Variants in AUTS2 observed in about 807,000 individuals in gnomAD.
AUTS2 encodes the protein autism susceptibility gene 2 protein.
A neutral mutation model predicts 112.4 loss-of-function variants in AUTS2; 17 were observed. The observed-to-expected ratio is 0.15, with a 90% CI of 0.10 to 0.23. The LOEUF is 0.23. Ranked by LOEUF, AUTS2 falls within the 10% of genes least tolerant of loss-of-function variation. The probability of loss-of-function intolerance (pLI) is 1.00; values close to 1 mark genes in which losing one functional copy is unlikely to be tolerated. For synonymous variants in AUTS2, 751 were observed against 702.7 expected, an observed-to-expected ratio of 1.07 and a Z score of -1.09; for missense variants, 1,510 against 1,701.6, an observed-to-expected ratio of 0.89 and a Z score of 1.98.
chr7:69,917,002 G>T (rs768756816), intron 2 of AUTS2, among the ~76,000 whole-genome samples: 6 of 152,076 alleles, frequency 3.9e-5, no homozygotes, highest in Admixed American at 6.6e-5. Context: ...TGGTATAGAA[G>T]CCCACACATT....
At chr7:70,014,008 G>T (rs188865769) in intron 2 of AUTS2, among the ~76,000 whole-genome samples, 24 of 152,264 alleles carry the variant, frequency 1.6e-4, no homozygotes, top group Non-Finnish European at 3.1e-4. Flanking sequence ...GAGCCACCGC[G>T]CCCGGCCTCA....
intron 5 of AUTS2, among the ~76,000 whole-genome samples, chr7:70,528,989 C>T (rs1799970495): frequency 6.6e-6 from 1 of 152,070 alleles, no homozygotes; most frequent in African/African-American, 2.4e-5. Context: ...TAAACTATGG[C>T]CATGTATAAA....
chr7:70,417,187 C>T (rs1795021470), intron 4 of AUTS2, among the ~76,000 whole-genome samples: 1 of 152,202 alleles, frequency 6.6e-6, no homozygotes, highest in African/African-American at 2.4e-5. Flanking sequence ...CTGAGTGCCT[C>T]CTCCCCAGCT....
intron 5 of AUTS2, among the ~76,000 whole-genome samples, chr7:70,552,392 T>C (rs1801052249): frequency 1.3e-5 from 2 of 152,218 alleles, no homozygotes; most frequent in Admixed American, 1.3e-4. Flanking sequence ...TGTCTCTCCC[T>C]GTAACAAAAT....
chr7:70,051,254 G>A (rs779589158), intron 2 of AUTS2, among the ~76,000 whole-genome samples: 1 of 152,272 alleles, frequency 6.6e-6, no homozygotes, highest in African/African-American at 2.4e-5. Context: ...CTGACCTTAC[G>A]GTGATGAAAT....
intron 2 of AUTS2, among the ~76,000 whole-genome samples, chr7:70,092,973 A>G (rs1341020316): frequency 6.6e-6 from 1 of 152,106 alleles, no homozygotes; most frequent in Non-Finnish European, 1.5e-5. Flanking sequence ...TGTCCTTATG[A>G]TGCCTGCACC....
chr7:70,170,695 C>T (rs951290749), intron 4 of AUTS2, among the ~76,000 whole-genome samples: 3 of 151,650 alleles, frequency 2.0e-5, no homozygotes, highest in African/African-American at 7.3e-5. Flanking sequence ...GCAACCTCCA[C>T]CTCCCGGGTT....
At chr7:70,686,251 G>C (rs908068500) in intron 5 of AUTS2, among the ~76,000 whole-genome samples, 1 of 152,188 alleles carries the variant, frequency 6.6e-6, no homozygotes, top group African/African-American at 2.4e-5. Context: ...AATGATGAAG[G>C]TAAGTTGCTG....
chr7:70,222,920 C>T (rs1811562455), intron 4 of AUTS2, among the ~76,000 whole-genome samples: 1 of 149,172 alleles, frequency 6.7e-6, no homozygotes, highest in Admixed American at 6.7e-5. Flanking sequence ...CAAAGTCTCG[C>T]CCTGTCACCC....
intron 1 of AUTS2, among the ~76,000 whole-genome samples, chr7:69,886,099 C>G (rs1584393147): frequency 6.6e-6 from 1 of 152,162 alleles, no homozygotes; most frequent in East Asian, 1.9e-4. Context: ...ATTAGAGAGG[C>G]TGAAGGAACC....
intron 5 of AUTS2, among the ~76,000 whole-genome samples, chr7:70,459,351 T>A (rs540698223): frequency 6.6e-6 from 1 of 152,266 alleles, no homozygotes; most frequent in African/African-American, 2.4e-5. Context: ...CCAGGAGAAA[T>A]GGAAGGTGTT....
Position 70,777,358 on chromosome 7 carries a change from T to C in AUTS2, c.2004+184T>C, listed in dbSNP as rs978924632. ...CTTATTTTTTCCTAGAGTCAGGGTC[T>C]CACTCTGTTGCCCAGGCTGGAGTAC... On this transcript the variant is annotated intron_variant, in intron 14 of 18. Coordinates refer to ENST00000342771, the MANE Select transcript of AUTS2 (RefSeq NM_015570.4). 15 of 621,078 alleles carry C rather than the reference T, an allele frequency of 2.4e-5. No homozygotes were observed. The African/African-American group carries it at 2.8e-4, about 11-fold the overall frequency. 38.5% of individuals were successfully genotyped at this position (621,078 alleles called of 1,614,324 possible). A position where few individuals can be genotyped will look rare whatever the true frequency, so the allele number is the denominator to read the frequency against.
At chr7:70,704,042 T>C (rs1809605918) in intron 6 of AUTS2, among the ~76,000 whole-genome samples, 2 of 152,242 alleles carry the variant, frequency 1.3e-5, no homozygotes, top group Admixed American at 1.3e-4. Context: ...GAATTTGTTG[T>C]ATAGAATCAT....
At chr7:70,171,797 G>T (rs1167775349) in intron 4 of AUTS2, among the ~76,000 whole-genome samples, 1 of 152,058 alleles carries the variant, frequency 6.6e-6, no homozygotes, top group African/African-American at 2.4e-5. Flanking sequence ...TGTCAGCAGG[G>T]ATGTGATTTT....
intron 2 of AUTS2, among the ~76,000 whole-genome samples, chr7:70,055,282 A>G (rs1268856045): frequency 6.6e-6 from 1 of 152,176 alleles, no homozygotes. Flanking sequence ...TAAAAATACA[A>G]AATTAGCTGG....
intron 2 of AUTS2, among the ~76,000 whole-genome samples, chr7:69,909,118 G>T (rs191219257): frequency 6.6e-6 from 1 of 152,148 alleles, no homozygotes; most frequent in Non-Finnish European, 1.5e-5. Context: ...TCATAAAATT[G>T]TAACAACATA....
intron 15 of AUTS2, 45 bp from the exon 16 acceptor site, chr7:70,784,897 G>A (rs1791342894): frequency 6.3e-7 from 1 of 1,590,892 alleles, no homozygotes; most frequent in Admixed American, 1.7e-5. Context: ...CATCTTCGAA[G>A]TTGGCTTTTT....
chr7:69,625,320 G>A (rs542193123), intron 1 of AUTS2, among the ~76,000 whole-genome samples: 4 of 152,280 alleles, frequency 2.6e-5, no homozygotes, highest in South Asian at 4.1e-4. Context: ...GGTCCCTTGC[G>A]TTTATTTACA....
chr7:70,726,241 G>A lies in AUTS2; in HGVS notation c.742+27621G>A, dbSNP rs563613468. 1.4e-3 allele frequency among the ~76,000 whole-genome samples: 219 copies of A among 151,890 alleles called. 1 individual carries two copies. The highest frequency in any genetic ancestry group is 2.2e-3 in the Non-Finnish European group (151 of 67,974). On this transcript the variant is annotated intron_variant, in intron 6 of 18. Coordinates refer to ENST00000342771, the MANE Select transcript of AUTS2 (RefSeq NM_015570.4). ...TTAGAAGTTTTTATATAGAGACAATGGATGTGTTTATTAGAAATCTTTATT... is the reference window on the plus strand; with the variant it reads ...TTAGAAGTTTTTATATAGAGACAATAGATGTGTTTATTAGAAATCTTTATT...
Sources: allele counts gnomAD v4.1 joint callset (sites outside exome capture counted in the v4.1 genomes callset), GRCh38; gene constraint gnomAD v4.1.1; transcripts MANE v1.5; gene names NCBI Gene and HGNC (gene_info 2026-07-23, HGNC 2026-07-21).